The following DIP2A variants were observed in gnomAD, a reference collection of about 807,000 sequenced individuals.
The protein encoded by DIP2A is disco-interacting protein 2 homolog A.
Under a neutral mutation model 177.4 loss-of-function variants are expected in DIP2A, and 85 were observed. That is an observed-to-expected ratio of 0.48 (90% CI 0.40 to 0.57). The LOEUF (loss-of-function observed/expected upper bound fraction) is 0.57, where lower values mean the gene tolerates loss of function less well. Among genes scored for constraint, DIP2A ranks in the 20% least tolerant of loss-of-function variants. The pLI is 0.00. For missense variants in DIP2A, 1,791 were observed against 2,100.2 expected (o/e 0.85, Z 2.88); for synonymous variants, 886 against 881.8 (o/e 1.00, Z -0.08).
At chr21:46,571,690 G>A (rs1328602000), downstream of DIP2A, among the ~76,000 whole-genome samples, 2 of 152,134 alleles carry the variant, frequency 1.3e-5, no homozygotes, top group South Asian at 2.1e-4. Context: ...TCATCATTTG[G>A]CTCTCTGTTT....
At chr21:46,541,592 T>C (rs1268999172) in intron 17 of DIP2A, among the ~76,000 whole-genome samples, 164 bp from the exon 18 acceptor site, 1 of 152,146 alleles carries the variant, frequency 6.6e-6, no homozygotes, top group African/African-American at 2.4e-5. Context: ...CAGAGGGGCA[T>C]GTAGTTTGGA....
the DIP2A span, among the ~76,000 whole-genome samples, chr21:46,579,766 A>T: frequency 6.6e-6 from 1 of 152,142 alleles, no homozygotes; most frequent in Non-Finnish European, 1.5e-5. Flanking sequence ...TGTGGTTTTG[A>T]GTGAGCTTCT....
chr21:46,567,421 G>T lies in DIP2A; in HGVS notation c.4515G>T (p.Gly1505=). The change falls in exon 38 of 38, where the codon GGG becomes GGT. Residue 1505 remains glycine, a synonymous_variant. Coordinates refer to ENST00000417564, the MANE Select transcript of DIP2A (RefSeq NM_015151.4). The part of the protein sequence containing the change: ...NLLVVVVELD[G]LEQDALDLVA... ...TGGTGGTGGTGGTGGAGCTGGATGGGCTAGAGCAGGATGCCCTGGACCTGG... is the reference window on the plus strand; with the variant it reads ...TGGTGGTGGTGGTGGAGCTGGATGGTCTAGAGCAGGATGCCCTGGACCTGG... 1 of 1,613,990 alleles carries T rather than the reference G, an allele frequency of 6.2e-7. No homozygotes were observed. The highest frequency in any genetic ancestry group is 1.3e-5 in the African/African-American group (1 of 75,048).
At chr21:46,482,945 A>G (rs1045080348) in intron 1 of DIP2A, among the ~76,000 whole-genome samples, 5 of 152,230 alleles carry the variant, frequency 3.3e-5, no homozygotes, top group Admixed American at 1.3e-4. Context: ...TTGAAATTTA[A>G]TAAGTGAAAT....
intron 6 of DIP2A, among the ~76,000 whole-genome samples, chr21:46,507,871 T>C (rs1041907985): frequency 2.0e-5 from 3 of 151,588 alleles, no homozygotes; most frequent in Non-Finnish European, 4.4e-5. Flanking sequence ...TGGCTAATTT[T>C]TTTTTCTTTA....
At chr21:46,559,896 CTG>C (rs2148903531) in intron 32 of DIP2A, among the ~76,000 whole-genome samples, 1 of 152,306 alleles carries the variant, frequency 6.6e-6, no homozygotes, top group Admixed American at 6.5e-5. Flanking sequence ...GTTGGTGCCT[CTG>C]TGCTTCCCCC....
At chr21:46,509,778 C>A (rs1215407941) in intron 7 of DIP2A, among the ~76,000 whole-genome samples, 1 of 152,030 alleles carries the variant, frequency 6.6e-6, no homozygotes, top group Non-Finnish European at 1.5e-5. Context: ...AGGAAGAATA[C>A]ACACATATTT....
In DIP2A at chr21:46,550,673, A is replaced by G; in HGVS notation, c.2768A>G (p.His923Arg). The G allele has an allele frequency of 6.2e-7, 1 of 1,613,910 alleles. No homozygotes were observed. Among genetic ancestry groups the G allele is most frequent in the Non-Finnish European group, 8.5e-7 (1 of 1,179,884 alleles). The change falls in exon 23 of 38, where the codon CAC (histidine) becomes CGC (arginine). Residue 923 changes from histidine to arginine, a missense_variant. Transcript: ENST00000417564. ...TKQRFLEGTLHPCNVLMCPHT... is the reference protein window; with the variant it reads ...TKQRFLEGTLRPCNVLMCPHT... ...CAGCGCTTTCTGGAAGGGACGCTGC[A>G]CCCGTGTAATGTGCTGATGTGCCCT...
At chr21:46,508,941 C>T (rs1374332888) in intron 6 of DIP2A, among the ~76,000 whole-genome samples, 1 of 152,006 alleles carries the variant, frequency 6.6e-6, no homozygotes, top group Admixed American at 6.5e-5. Context: ...ATCGCTTGAA[C>T]CCAGGAGGCG....
intron 20 of DIP2A, chr21:46,546,377 T>C: frequency 1.0e-6 from 1 of 964,888 alleles, no homozygotes; most frequent in Non-Finnish European, 1.3e-6. Flanking sequence ...CTGGCAACTT[T>C]TGAAGACATT....
intron 16 of DIP2A, 26 bp downstream of exon 16, chr21:46,538,628 A>T (rs1377587482): frequency 1.3e-6 from 2 of 1,544,792 alleles, no homozygotes; most frequent in Non-Finnish European, 1.7e-6. Context: ...TGCCCGGCGC[A>T]TACCCCACAC....
chr21:46,508,610 A>T (rs2058143629), intron 6 of DIP2A, among the ~76,000 whole-genome samples: 2 of 151,196 alleles, frequency 1.3e-5, no homozygotes, highest in Non-Finnish European at 2.9e-5. Flanking sequence ...CACCTGCCTC[A>T]GCCTCCCAAA....
chr21:46,525,012 A>G (rs866793891), intron 8 of DIP2A, among the ~76,000 whole-genome samples: 3 of 150,370 alleles, frequency 2.0e-5, no homozygotes, highest in Non-Finnish European at 4.4e-5. Context: ...CAGCCTCCCA[A>G]GTAGCTGGGA....
chr21:46,512,208 T>C (rs1279038935), intron 8 of DIP2A, among the ~76,000 whole-genome samples: 1 of 152,228 alleles, frequency 6.6e-6, no homozygotes, highest in Non-Finnish European at 1.5e-5. Context: ...ACTTACACAC[T>C]CTTAAGTAGA....
At position 46,459,233 on chromosome 21, in the gene DIP2A, C is replaced by T; in HGVS notation, c.91+11C>T. On this transcript the variant is annotated intron_variant, in intron 1 of 37. Coordinates refer to ENST00000417564, the MANE Select transcript of DIP2A (RefSeq NM_015151.4). Reference sequence around the variant, plus strand: ...TGGAGCTGTCGGAAGGTGAGCCGGACCCCGCCCTCAACCCCCGCGACCCGC... The same window carrying T: ...TGGAGCTGTCGGAAGGTGAGCCGGATCCCGCCCTCAACCCCCGCGACCCGC... 2.0e-6 allele frequency: 3 copies of T among 1,520,052 alleles called. No homozygotes were observed. Among genetic ancestry groups the T allele is most frequent in the Admixed American group, 2.1e-5 (1 of 48,700 alleles). 94.2% of individuals were successfully genotyped at this position (1,520,052 alleles called of 1,614,324 possible).
rs553849112 is a variant in DIP2A at position 46,565,074 on chromosome 21, G to A, written c.4165-639G>A. 8.6e-4 allele frequency among the ~76,000 whole-genome samples: 131 copies of A among 152,348 alleles called. 3 individuals are homozygous for A. The highest frequency in any genetic ancestry group is 7.3e-4 in the Non-Finnish European group (50 of 68,038). On this transcript the variant is annotated intron_variant, in intron 35 of 37. Transcript: ENST00000417564. ...GTCGAACTGACCGTGGGTTCTGGAC[G>A]GACTCTCTCTAGAAGGGCCCCATGA...
chr21:46,523,184 CA>C (rs534091365), intron 8 of DIP2A, among the ~76,000 whole-genome samples: 58 of 151,950 alleles, frequency 3.8e-4, no homozygotes, highest in Non-Finnish European at 6.8e-4. Context: ...CTTGGCCTTC[CA>C]AAGTGCTGGG....
chr21:46,509,537 A>T (rs1395657940), intron 7 of DIP2A, among the ~76,000 whole-genome samples, 161 bp downstream of exon 7: 1 of 152,204 alleles, frequency 6.6e-6, no homozygotes, highest in Non-Finnish European at 1.5e-5. Flanking sequence ...GAATCACATG[A>T]CTGCTTCCTT....
rs985106683 is a variant in DIP2A, at chr21:46,498,023, G to A, written c.404-559G>A. On this transcript the variant is annotated intron_variant, in intron 4 of 37. Transcript: ENST00000417564. This position sits in a 1 kb window ranked among gnomAD's most constrained non-coding sequence, Gnocchi z 4.3. ...TTTTGTTGTCTGAAGCAATTTTCTC[G>A]GAGAAGGAATTGTTTTTAGGGCTAG... is the stretch of plus-strand genomic sequence containing the variant. Among the ~76,000 whole-genome samples the A allele has an allele frequency of 4.6e-5, 7 of 152,140 alleles. No homozygotes were observed. Among genetic ancestry groups the A allele is most frequent in the African/African-American group, 9.7e-5 (4 of 41,430 alleles).
Sources: gnomAD v4.1 joint callset for allele counts (sites outside exome capture counted in the v4.1 genomes callset) on GRCh38, gnomAD v4.1.1 for gene constraint, Gnocchi (gnomAD v3.1) non-coding constraint, MANE v1.5 for transcripts, NCBI Gene and HGNC (gene_info 2026-07-23, HGNC 2026-07-21) for gene names.